Variants in PARD3B observed in about 807,000 individuals in gnomAD.
The protein encoded by PARD3B is partitioning defective 3 homolog B.
A neutral mutation model predicts 130.2 loss-of-function variants in PARD3B; 103 were observed. The observed-to-expected ratio is 0.79, with a 90% CI of 0.67 to 0.93. The LOEUF is 0.93. PARD3B is among the 40% of genes least tolerant of loss of function. The pLI, the probability that PARD3B is intolerant of heterozygous loss-of-function variation, is 0.00. For synonymous variants in PARD3B, 583 were observed against 553.2 expected, an observed-to-expected ratio of 1.05 and a Z score of -0.76; for missense variants, 1,609 against 1,499.2, an observed-to-expected ratio of 1.07 and a Z score of -1.21.
rs150090389 is a variant in PARD3B, at chr2:204,980,778, T to C, written c.394+15455T>C. The stretch of plus-strand genomic sequence containing the variant: ...CAAGGTCATGAACAACAAGGAAAGA[T>C]TGAAAAACTGTTCCAGACCAGAAGA... On this transcript the variant is annotated intron_variant, in intron 3 of 22. Transcript: ENST00000406610. Among the ~76,000 whole-genome samples the C allele has an allele frequency of 2.1e-4, 32 of 152,200 alleles. No individual in the cohort carries two copies. In the East Asian group the frequency reaches 2.3e-3, roughly 11 times the overall value.
chr2:204,830,175 CT>C (rs1195206847), intron 2 of PARD3B, among the ~76,000 whole-genome samples: 2 of 151,936 alleles, frequency 1.3e-5, no homozygotes, highest in Non-Finnish European at 2.9e-5. Flanking sequence ...TCAGTTAAAC[CT>C]TTTTTCTTTA....
intron 2 of PARD3B, among the ~76,000 whole-genome samples, chr2:204,842,446 T>TA (rs1353060961): frequency 2.0e-5 from 3 of 152,012 alleles, no homozygotes; most frequent in Non-Finnish European, 4.4e-5. Flanking sequence ...GTAAGCACCT[T>TA]AAAAAAAGAG....
Position 205,257,624 on chromosome 2 carries a change from G to A in PARD3B, c.2185+11802G>A, listed in dbSNP as rs79151051. 7.2e-5 allele frequency among the ~76,000 whole-genome samples: 11 copies of A among 152,204 alleles called. No individual in the cohort carries two copies. The East Asian group carries it at 1.5e-3, about 21-fold the overall frequency. ...TATATATTTAAATTAATGTACATTA[G>A]TAAAAGACTGATTTTTCACTTACAG... On this transcript the variant is annotated intron_variant, in intron 16 of 22. Transcript: ENST00000406610.
chr2:205,398,184 T>C (rs1199152608), intron 18 of PARD3B, among the ~76,000 whole-genome samples: 2 of 151,946 alleles, frequency 1.3e-5, no homozygotes, highest in African/African-American at 4.8e-5. Context: ...ACCTGTAATC[T>C]CAGCTACTTG....
At chr2:204,872,843 A>G (rs2045682164) in intron 2 of PARD3B, among the ~76,000 whole-genome samples, 1 of 152,272 alleles carries the variant, frequency 6.6e-6, no homozygotes, top group East Asian at 1.9e-4. Context: ...TTTACTCTTG[A>G]GTCTTTTATT....
chr2:204,969,964 C>T (rs1249300916), intron 3 of PARD3B, among the ~76,000 whole-genome samples: 1 of 151,626 alleles, frequency 6.6e-6, no homozygotes, highest in African/African-American at 2.4e-5. Context: ...CCACTAAAAC[C>T]AATATACTAA....
At chr2:205,464,017 G>A (rs1256644663) in intron 20 of PARD3B, among the ~76,000 whole-genome samples, 1 of 152,216 alleles carries the variant, frequency 6.6e-6, no homozygotes, top group South Asian at 2.1e-4. Context: ...GAACCCATGG[G>A]ATTTTTAAGA....
chr2:205,355,225 G>A (rs1211460538), intron 18 of PARD3B, among the ~76,000 whole-genome samples: 10 of 152,146 alleles, frequency 6.6e-5, no homozygotes, highest in Admixed American at 5.9e-4. Context: ...CGGACCTCAT[G>A]CATGACGTAC....
At chr2:205,379,499 A>T (rs1408441855) in intron 18 of PARD3B, among the ~76,000 whole-genome samples, 2 of 152,134 alleles carry the variant, frequency 1.3e-5, no homozygotes. Flanking sequence ...AAAAGCAAAC[A>T]TAGACTCTGA....
intron 20 of PARD3B, among the ~76,000 whole-genome samples, chr2:205,469,872 C>T (rs1288736043): frequency 6.6e-6 from 1 of 152,246 alleles, no homozygotes; most frequent in African/African-American, 2.4e-5. Context: ...CTGCCATTGT[C>T]TATAATTTCT....
chr2:204,866,546 C>G (rs1441970029), intron 2 of PARD3B, among the ~76,000 whole-genome samples: 2 of 151,638 alleles, frequency 1.3e-5, no homozygotes, highest in African/African-American at 2.4e-5. Flanking sequence ...AGGTGCCAGC[C>G]CTGTTCTGGA....
chr2:205,397,219 CAA>C lies in PARD3B; in HGVS notation c.2631-3791_2631-3790del, dbSNP rs1384541830. On this transcript the variant is annotated intron_variant, in intron 18 of 22. Coordinates refer to ENST00000406610, the MANE Select transcript of PARD3B (RefSeq NM_001302769.2). This position sits in a 1 kb window ranked among gnomAD's most constrained non-coding sequence, Gnocchi z 4.8. Reference sequence around the variant, plus strand: ...TTTTCTTGGGCCTACCCAAACTTTACAAAATAAGGTAATTTGTAATCATTTTC... The same window carrying C: ...TTTTCTTGGGCCTACCCAAACTTTACAATAAGGTAATTTGTAATCATTTTC... 1.3e-5 allele frequency among the ~76,000 whole-genome samples: 2 copies of C among 152,206 alleles called. No individual in the cohort carries two copies. The highest frequency in any genetic ancestry group is 4.2e-4 in the South Asian group (2 of 4,812).
intron 21 of PARD3B, among the ~76,000 whole-genome samples, chr2:205,546,461 A>G (rs1356679816): frequency 6.6e-6 from 1 of 152,162 alleles, no homozygotes; most frequent in Non-Finnish European, 1.5e-5. Flanking sequence ...TTTAAAAAAA[A>G]TTAATTGGAT....
chr2:205,399,336 T>C (rs2106006169), intron 18 of PARD3B, among the ~76,000 whole-genome samples: 1 of 152,018 alleles, frequency 6.6e-6, no homozygotes, highest in South Asian at 2.1e-4. Context: ...TGTTTTGTTT[T>C]TTGTGTGTGT....
intron 22 of PARD3B, among the ~76,000 whole-genome samples, chr2:205,593,526 G>A (rs2054464343): frequency 6.6e-6 from 1 of 152,212 alleles, no homozygotes; most frequent in African/African-American, 2.4e-5. Context: ...CCAATGGGAT[G>A]TTAGTGAAGG....
intron 18 of PARD3B, among the ~76,000 whole-genome samples, chr2:205,319,723 G>A (rs928255998): frequency 3.9e-5 from 6 of 152,084 alleles, no homozygotes; most frequent in Admixed American, 3.9e-4. Flanking sequence ...ATTCAACAAT[G>A]GATTGCTGAG....
intron 10 of PARD3B, among the ~76,000 whole-genome samples, chr2:205,154,904 GCCT>G (rs2034012682): frequency 6.6e-6 from 1 of 152,108 alleles, no homozygotes; most frequent in African/African-American, 2.4e-5. Context: ...TGGGGTGGGG[GCCT>G]GGGGGAGGGA....
intron 2 of PARD3B, among the ~76,000 whole-genome samples, chr2:204,751,159 G>C (rs1166694840): frequency 1.3e-5 from 2 of 152,038 alleles, no homozygotes; most frequent in Non-Finnish European, 2.9e-5. Flanking sequence ...AAAAATAGAA[G>C]CAGCTTCTTT....
Position 204,699,946 on chromosome 2 carries a change from A to G in PARD3B, c.222+13664A>G, listed in dbSNP as rs1289126830. Among the ~76,000 whole-genome samples, 3 of 152,236 alleles carry G rather than the reference A, an allele frequency of 2.0e-5. No individual in the cohort carries two copies. In the South Asian group the frequency reaches 6.2e-4, roughly 32 times the overall value. On this transcript the variant is annotated intron_variant, in intron 2 of 22. Coordinates refer to ENST00000406610, the MANE Select transcript of PARD3B (RefSeq NM_001302769.2). The stretch of plus-strand genomic sequence containing the variant: ...GGCCAAGTTAATTTTAAACCTTAGT[A>G]TTTTTTATATGTATATACACTAACA...
Sources: allele counts gnomAD v4.1 joint callset (sites outside exome capture counted in the v4.1 genomes callset), GRCh38; gene constraint gnomAD v4.1.1; non-coding constraint Gnocchi (gnomAD v3.1); transcripts MANE v1.5; gene names NCBI Gene and HGNC (gene_info 2026-07-23, HGNC 2026-07-21).